KHDRBS3: variants seen among roughly 807,000 people sequenced by gnomAD.
The protein encoded by KHDRBS3 is KH RNA binding domain containing, signal transduction associated 3, also known as KH domain-containing, RNA-binding, signal transduction-associated protein 3.
In KHDRBS3, 23 loss-of-function variants were observed where a neutral mutation model predicts 45.6. The ratio of observed to expected loss-of-function variants is 0.50; its 90% CI spans 0.36 to 0.72. KHDRBS3 has a LOEUF of 0.72. Ranked by LOEUF, KHDRBS3 falls within the 30% of genes least tolerant of loss-of-function variation. The probability of loss-of-function intolerance (pLI) is 0.00; values close to 1 mark genes in which losing one functional copy is unlikely to be tolerated. For missense variants in KHDRBS3, 352 were observed against 424.8 expected (o/e 0.83, Z 1.51); for synonymous variants, 162 against 156.5 (o/e 1.04, Z -0.26).
chr8:135,542,578 G>A (rs529155137), intron 2 of KHDRBS3, 76 bp from the exon 3 acceptor site: 2 of 897,048 alleles, frequency 2.2e-6, no homozygotes, highest in East Asian at 2.4e-5. Flanking sequence ...GCACACTACA[G>A]TGTTTCTTAA....
At chr8:135,548,667 G>T (rs1287749526) in intron 3 of KHDRBS3, 87 bp from the exon 4 acceptor site, 1 of 1,062,608 alleles carries the variant, frequency 9.4e-7, no homozygotes, top group African/African-American at 1.6e-5. Context: ...TTTATTTTGG[G>T]GGTTAGTTTT....
At chr8:135,608,782 T>C (rs893749391) in intron 7 of KHDRBS3, among the ~76,000 whole-genome samples, 3 of 152,240 alleles carry the variant, frequency 2.0e-5, no homozygotes, top group Admixed American at 2.0e-4. Flanking sequence ...ACCTACATGA[T>C]ACAGCCTGCT....
At chr8:135,564,187 T>C (rs1827294191) in intron 5 of KHDRBS3, among the ~76,000 whole-genome samples, 1 of 152,202 alleles carries the variant, frequency 6.6e-6, no homozygotes, top group Non-Finnish European at 1.5e-5. Flanking sequence ...CATTAGATCA[T>C]ATGTTACTGA....
At chr8:135,526,344 T>C (rs1825186101) in intron 2 of KHDRBS3, among the ~76,000 whole-genome samples, 1 of 151,852 alleles carries the variant, frequency 6.6e-6, no homozygotes, top group South Asian at 2.1e-4. Flanking sequence ...TAATTTAAGA[T>C]TTAAATTATA....
At chr8:135,458,651 G>A (rs1821252489) in intron 1 of KHDRBS3, 1 of 355,528 alleles carries the variant, frequency 2.8e-6, no homozygotes, top group African/African-American at 2.1e-5. Context: ...GTCAGTAGGG[G>A]AGAAGAGGCC....
At chr8:135,521,179 C>A in intron 1 of KHDRBS3, 58 bp from the exon 2 acceptor site, 1 of 1,005,282 alleles carries the variant, frequency 9.9e-7, no homozygotes, top group Non-Finnish European at 1.6e-6. Flanking sequence ...CTAACCAGAA[C>A]ACCCAGCCCC....
intron 1 of KHDRBS3, among the ~76,000 whole-genome samples, chr8:135,480,038 A>G (rs1822486362): frequency 6.6e-6 from 1 of 152,230 alleles, no homozygotes; most frequent in Non-Finnish European, 1.5e-5. Flanking sequence ...AATACCTCAT[A>G]TCAAAAGAAT....
At chr8:135,522,782 T>C (rs1390349345) in intron 2 of KHDRBS3, among the ~76,000 whole-genome samples, 1 of 152,208 alleles carries the variant, frequency 6.6e-6, no homozygotes. Flanking sequence ...TCTAAAAGTG[T>C]TATTGTAGCT....
chr8:135,581,203 G>C (rs1828189927), intron 5 of KHDRBS3, among the ~76,000 whole-genome samples: 1 of 152,114 alleles, frequency 6.6e-6, no homozygotes, highest in African/African-American at 2.4e-5. Context: ...ACACTTTTCT[G>C]TCCTTATGTT....
intron 7 of KHDRBS3, among the ~76,000 whole-genome samples, chr8:135,609,867 T>A (rs1829638752): frequency 6.6e-6 from 1 of 151,826 alleles, no homozygotes; most frequent in Non-Finnish European, 1.5e-5. Flanking sequence ...ATTCATTCTG[T>A]GGAGAAAAGA....
At chr8:135,649,021 TTTATC>T (rs1446361419), downstream of KHDRBS3, among the ~76,000 whole-genome samples, 1 of 152,150 alleles carries the variant, frequency 6.6e-6, no homozygotes, top group Admixed American at 6.5e-5. Flanking sequence ...TTTGACAGTA[TTTATC>T]TTAGTCTTAT....
chr8:135,555,477 T>C (rs947996250), intron 4 of KHDRBS3, among the ~76,000 whole-genome samples: 6 of 152,068 alleles, frequency 3.9e-5, no homozygotes, highest in African/African-American at 1.5e-4. Context: ...GCCAAAAAAA[T>C]TGACCCCCCA....
chr8:135,638,267 A>G (rs1383110281), intron 7 of KHDRBS3, among the ~76,000 whole-genome samples: 1 of 152,196 alleles, frequency 6.6e-6, no homozygotes, highest in African/African-American at 2.4e-5. Flanking sequence ...TCCCAGAGTA[A>G]AGCTGTAACA....
At chr8:135,581,450 G>A (rs1828202599) in intron 5 of KHDRBS3, among the ~76,000 whole-genome samples, 1 of 152,092 alleles carries the variant, frequency 6.6e-6, no homozygotes, top group Admixed American at 6.6e-5. Flanking sequence ...TTGGCCTCTG[G>A]CTTTGCTCAC....
chr8:135,630,672 G>T (rs1830559400), intron 7 of KHDRBS3, among the ~76,000 whole-genome samples: 1 of 152,090 alleles, frequency 6.6e-6, no homozygotes. Flanking sequence ...TACAGACCTG[G>T]ACAGCATATC....
In KHDRBS3 at chr8:135,553,874, G is replaced by A. The variant is rs531378512; in HGVS notation, c.472-3574G>A. ...TTGTAATAGTTTCACTTTTCAGACG[G>A]GGAGTTAAAATGATAATTTAAAATG... On this transcript the variant is annotated intron_variant, in intron 4 of 8. Transcript: ENST00000355849. Among the ~76,000 whole-genome samples, 9 of 152,218 alleles carry A rather than the reference G, an allele frequency of 5.9e-5. No individual in the cohort carries two copies. The South Asian group carries it at 1.9e-3, about 32-fold the overall frequency.
chr8:135,632,577 G>C (rs1342048690), intron 7 of KHDRBS3, among the ~76,000 whole-genome samples: 1 of 151,918 alleles, frequency 6.6e-6, no homozygotes, highest in Non-Finnish European at 1.5e-5. Context: ...AACCTAACGT[G>C]TCCCAAATCA....
rs975931026 is a variant in KHDRBS3 at position 135,547,905 on chromosome 8, G to C, written c.325-849G>C. Among the ~76,000 whole-genome samples the C allele has an allele frequency of 3.3e-5, 5 of 152,290 alleles. No individual in the cohort carries two copies. The East Asian group carries it at 7.7e-4, about 24-fold the overall frequency. On this transcript the variant is annotated intron_variant, in intron 3 of 8. Transcript: ENST00000355849. ...AGGTTAGTTAGGAAAAGGCAGTGGA[G>C]CAAAATCAGTAGTTCCTTAACGATC... is the stretch of plus-strand genomic sequence containing the variant.
At chr8:135,537,436 T>A (rs1435608415) in intron 2 of KHDRBS3, among the ~76,000 whole-genome samples, 1 of 152,222 alleles carries the variant, frequency 6.6e-6, no homozygotes, top group Non-Finnish European at 1.5e-5. Context: ...ATAGTTTAGA[T>A]CAATTAAAGC....
Sources: gnomAD v4.1 joint callset for allele counts (sites outside exome capture counted in the v4.1 genomes callset) on GRCh38, gnomAD v4.1.1 for gene constraint, MANE v1.5 for transcripts, NCBI Gene and HGNC (gene_info 2026-07-23, HGNC 2026-07-21) for gene names.